Variants in EFHC1 observed in about 807,000 individuals in gnomAD.
The protein encoded by EFHC1 is EF-hand domain-containing protein 1.
A neutral mutation model predicts 69.9 loss-of-function variants in EFHC1; 53 were observed. That is an observed-to-expected ratio of 0.76 (90% CI 0.61 to 0.95). The LOEUF (loss-of-function observed/expected upper bound fraction) is 0.95, where lower values mean the gene tolerates loss of function less well. Among genes scored for constraint, EFHC1 ranks in the 40% least tolerant of loss-of-function variants. The pLI, the probability that EFHC1 is intolerant of heterozygous loss-of-function variation, is 0.00. For missense variants in EFHC1, 739 were observed against 798.7 expected, an observed-to-expected ratio of 0.93 and a Z score of 0.90; for synonymous variants, 256 against 278.4, an observed-to-expected ratio of 0.92 and a Z score of 0.80.
chr6:52,441,763 T>G (rs1157179830), intron 3 of EFHC1, among the ~76,000 whole-genome samples: 1 of 152,202 alleles, frequency 6.6e-6, no homozygotes, highest in Non-Finnish European at 1.5e-5. Context: ...GCTTGTGTTA[T>G]CTCTGATTTC....
chr6:52,493,429 ATATAG>A lies in EFHC1; in HGVS notation c.*1092_*1096del, dbSNP rs1562467687. 5.3e-6 allele frequency: 2 copies of A among 379,122 alleles called. No individual in the cohort carries two copies. Among genetic ancestry groups the A allele is most frequent in the East Asian group, 7.3e-5 (1 of 13,608 alleles). The allele number at this position is 379,122 out of a possible 1,614,324, so 23.5% of individuals were successfully genotyped here. A position where few individuals can be genotyped will look rare whatever the true frequency, so the allele number is the denominator to read the frequency against. Reference sequence around the variant, plus strand: ...TACACACACACGCTTATATGTATACATATAGTATGTATATGTGTATATATATTATG... The same window carrying A: ...TACACACACACGCTTATATGTATACATATGTATATGTGTATATATATTATG... On this transcript the variant is annotated 3_prime_UTR_variant, in exon 11 of 11. Transcript: ENST00000371068.
In EFHC1 at chr6:52,496,038, C is replaced by CTAAT. The variant is rs1766049951; in HGVS notation, c.*3700_*3703dup. ...ATGGCAGTGCAGCCATTAGATGTCA[C>CTAAT]TAATTACCTTATGCTACAGTCATAG... On this transcript the variant is annotated 3_prime_UTR_variant, in exon 11 of 11. Coordinates refer to ENST00000371068, the MANE Select transcript of EFHC1 (RefSeq NM_018100.4). 4.9e-6 allele frequency: 1 copy of CTAAT among 203,040 alleles called. No homozygotes were observed. Among genetic ancestry groups the CTAAT allele is most frequent in the African/African-American group, 2.3e-5 (1 of 42,892 alleles). The allele number at this position is 203,040 out of a possible 1,614,324, so 12.6% of individuals were successfully genotyped here. A position where few individuals can be genotyped will look rare whatever the true frequency, so the allele number is the denominator to read the frequency against.
intron 7 of EFHC1, among the ~76,000 whole-genome samples, chr6:52,477,251 AC>A (rs1408507015): frequency 6.6e-6 from 1 of 152,138 alleles, no homozygotes; most frequent in Non-Finnish European, 1.5e-5. Context: ...TATTTTTATT[AC>A]ATGGGTGTAC....
rs142887643 is a variant in EFHC1, at chr6:52,422,651, A to G, written c.64-1295A>G. The stretch of plus-strand genomic sequence containing the variant: ...ATTGTATCTATGTATATATTTGAAT[A>G]TTATAGATAAGTAATTGTGAAAGTA... On this transcript the variant is annotated intron_variant, in intron 1 of 10. Transcript: ENST00000371068. Among the ~76,000 whole-genome samples the G allele has an allele frequency of 1.2e-3, 181 of 152,276 alleles. 1 individual carries two copies. The highest frequency in any genetic ancestry group is 4.0e-3 in the African/African-American group (167 of 41,562).
intron 2 of EFHC1, among the ~76,000 whole-genome samples, chr6:52,426,468 A>G (rs1014775716): frequency 2.6e-5 from 4 of 151,908 alleles, no homozygotes; most frequent in African/African-American, 4.8e-5. Context: ...TCAAGGCTCT[A>G]TCTCATTCTT....
chr6:52,453,575 T>A (rs15598), intron 4 of EFHC1: 260,101 of 1,277,556 alleles, frequency 0.2, 28,690 homozygotes, highest in Admixed American at 0.41. Flanking sequence ...TGTTATTATT[T>A]TGTATTTAAA....
chr6:52,437,306 AAGTTCTGGG>A (rs1203845344), intron 2 of EFHC1, among the ~76,000 whole-genome samples: 2 of 152,212 alleles, frequency 1.3e-5, no homozygotes, highest in African/African-American at 4.8e-5. Flanking sequence ...CTCTTCCCAG[AAGTTCTGGG>A]AGGGACTTTT....
chr6:52,441,726 C>T (rs892916269), intron 3 of EFHC1, among the ~76,000 whole-genome samples: 13 of 152,118 alleles, frequency 8.5e-5, no homozygotes, highest in Admixed American at 7.2e-4. Context: ...TTTTTCGTAT[C>T]CATGAGCATG....
At chr6:52,436,442 A>T (rs566925806) in intron 2 of EFHC1, among the ~76,000 whole-genome samples, 1 of 151,526 alleles carries the variant, frequency 6.6e-6, no homozygotes, top group African/African-American at 2.4e-5. Flanking sequence ...ATCAAGCCAT[A>T]TTTCTGTTTC....
intron 10 of EFHC1, 76 bp downstream of exon 10, chr6:52,490,426 TG>T: frequency 7.9e-7 from 1 of 1,270,180 alleles, no homozygotes. Context: ...CAATTGTGTG[TG>T]TATTTCACTA....
At chr6:52,466,779 C>T (rs969858443) in intron 6 of EFHC1, among the ~76,000 whole-genome samples, 6 of 152,112 alleles carry the variant, frequency 3.9e-5, no homozygotes, top group East Asian at 1.9e-4. Context: ...TTTATAGAAA[C>T]GATTACAAAG....
rs1765949964 is a variant in EFHC1, at chr6:52,493,219, G to A, written c.*878G>A. 2.2e-6 allele frequency: 1 copy of A among 453,280 alleles called. No individual in the cohort carries two copies. Among genetic ancestry groups the A allele is most frequent in the African/African-American group, 2.0e-5 (1 of 49,724 alleles). The allele number at this position is 453,280 out of a possible 1,614,324, so 28.1% of individuals were successfully genotyped here. On this transcript the variant is annotated 3_prime_UTR_variant, in exon 11 of 11. Transcript: ENST00000371068. ...GGACCTAAACCATCAGCTCTCCTAA[G>A]TCATAGGCCTTTGGATTCAGACTGG...
At chr6:52,431,350 TTTCTC>T (rs1158807029) in intron 2 of EFHC1, among the ~76,000 whole-genome samples, 4 of 152,144 alleles carry the variant, frequency 2.6e-5, no homozygotes, top group Admixed American at 2.6e-4. Flanking sequence ...GGTTTGAACT[TTTCTC>T]TTAGCACTGC....
chr6:52,460,523 A>G (rs1336158069), intron 5 of EFHC1, among the ~76,000 whole-genome samples: 1 of 152,200 alleles, frequency 6.6e-6, no homozygotes, highest in Non-Finnish European at 1.5e-5. Context: ...ATTGTAGTCA[A>G]TTACACCTCA....
intron 2 of EFHC1, among the ~76,000 whole-genome samples, chr6:52,434,149 T>G (rs1764476544): frequency 6.6e-6 from 1 of 152,200 alleles, no homozygotes; most frequent in Non-Finnish European, 1.5e-5. Flanking sequence ...TTCCCCCACC[T>G]GTGGAATCTG....
chr6:52,481,295 G>A (rs1251748434), intron 9 of EFHC1, among the ~76,000 whole-genome samples: 4 of 152,104 alleles, frequency 2.6e-5, no homozygotes, highest in Non-Finnish European at 5.9e-5. Context: ...GGGAAGATGC[G>A]GGATGTGGGT....
intron 2 of EFHC1, among the ~76,000 whole-genome samples, chr6:52,426,451 A>G (rs1764302700): frequency 6.6e-6 from 1 of 152,064 alleles, no homozygotes; most frequent in Admixed American, 6.6e-5. Context: ...TTAACTTACA[A>G]GTATTTTCAA....
chr6:52,435,108 C>T (rs1470247349), intron 2 of EFHC1, among the ~76,000 whole-genome samples: 2 of 152,138 alleles, frequency 1.3e-5, no homozygotes, highest in Non-Finnish European at 2.9e-5. Flanking sequence ...TGTCCAGGTT[C>T]ATGGCTTGAA....
At chr6:52,439,465 G>T (rs1764610386) in intron 3 of EFHC1, among the ~76,000 whole-genome samples, 1 of 152,090 alleles carries the variant, frequency 6.6e-6, no homozygotes, top group African/African-American at 2.4e-5. Flanking sequence ...TTTCAGGAAG[G>T]TACTTGATAT....
Sources: gnomAD v4.1 joint callset for allele counts (sites outside exome capture counted in the v4.1 genomes callset) on GRCh38, gnomAD v4.1.1 for gene constraint, MANE v1.5 for transcripts, NCBI Gene and HGNC (gene_info 2026-07-23, HGNC 2026-07-21) for gene names.